NSMAF: variants seen among roughly 807,000 people sequenced by gnomAD.
NSMAF encodes the protein neutral sphingomyelinase activation associated factor.
A neutral mutation model predicts 134.9 loss-of-function variants in NSMAF; 90 were observed. The observed-to-expected ratio is 0.67, with a 90% confidence interval of 0.56 to 0.79. The LOEUF is 0.79. Among genes scored for constraint, NSMAF ranks in the 30% least tolerant of loss-of-function variants. The pLI is 0.00. For synonymous variants in NSMAF, 358 were observed against 389.6 expected (o/e 0.92, Z 0.96); for missense variants, 1,010 against 1,119.0 (o/e 0.90, Z 1.39).
intron 23 of NSMAF, among the ~76,000 whole-genome samples, chr8:58,591,643 C>T (rs569569965): frequency 3.3e-5 from 5 of 151,946 alleles, no homozygotes; most frequent in Admixed American, 6.6e-5. Flanking sequence ...GTGCACACCA[C>T]GGCTGGCTAA....
chr8:58,618,225 G>A (rs1337773058), intron 9 of NSMAF, among the ~76,000 whole-genome samples: 2 of 151,974 alleles, frequency 1.3e-5, no homozygotes, highest in Admixed American at 6.6e-5. Context: ...ATGAGTTGAC[G>A]GGTGCAGCAA....
chr8:58,651,078 C>G (rs577384118), intron 1 of NSMAF, among the ~76,000 whole-genome samples: 130 of 152,182 alleles, frequency 8.5e-4, no homozygotes, highest in African/African-American at 3.0e-3. Context: ...AGCCCACTGC[C>G]TCACCTCCTG....
chr8:58,595,859 C>T, intron 21 of NSMAF, 200 bp from the exon 22 acceptor site: 1 of 494,194 alleles, frequency 2.0e-6, no homozygotes, highest in East Asian at 3.3e-5. Flanking sequence ...TAAAAAGTAT[C>T]TTTGAATAAT....
In NSMAF at chr8:58,641,534, C is replaced by A. The variant is rs184924915; in HGVS notation, c.149+1450G>T. ...ATGACACACAGTATCCTGTCCCTTG[C>A]TTTTTACACTTAATACATGTAGAGA... is the stretch of plus-strand genomic sequence containing the variant. On this transcript the variant is annotated intron_variant, in intron 2 of 30. Transcript: ENST00000038176. Among the ~76,000 whole-genome samples the A allele has an allele frequency of 4.5e-3, 690 of 152,266 alleles. 5 individuals carry two copies. The highest frequency in any genetic ancestry group is 0.011 in the Admixed American group (164 of 15,294).
At chr8:58,648,898 C>T (rs906311934) in intron 1 of NSMAF, among the ~76,000 whole-genome samples, 6 of 152,246 alleles carry the variant, frequency 3.9e-5, no homozygotes, top group Non-Finnish European at 5.9e-5. Context: ...AGAACGTCTA[C>T]GACAGTAGTA....
Position 58,602,060 on chromosome 8 carries a change from G to A in NSMAF, c.1123C>T (p.Leu375=), listed in dbSNP as rs1482342620. 2.5e-6 allele frequency: 4 copies of A among 1,611,798 alleles called. No individual in the cohort carries two copies. The highest frequency in any genetic ancestry group is 1.7e-4 in the Middle Eastern group (1 of 6,058). Residue 375 remains leucine (L), a splice_region_variant and synonymous_variant, in exon 14 of 31, where the codon CTG becomes TTG. Coordinates refer to ENST00000038176, the MANE Select transcript of NSMAF (RefSeq NM_003580.4). The stretch of plus-strand genomic sequence containing the variant: ...CAAGAATCTCTAAGTCCACATACCA[G>A]TAGTCTCTCCAGCCGTTCCTTATTT... The part of the protein sequence containing the change: ...ALNKERLERL[L]TRYQEMPEPK...
intron 1 of NSMAF, 35 bp downstream of exon 1, chr8:58,659,526 GCCCCGACTAGGC>G (rs1333280025): frequency 6.8e-7 from 1 of 1,474,758 alleles, no homozygotes; most frequent in Non-Finnish European, 9.0e-7. Flanking sequence ...CCCACGACCG[GCCCCGACTAGGC>G]CCCCGGCTGG....
chr8:58,607,487 A>G (rs1211071841), intron 11 of NSMAF, among the ~76,000 whole-genome samples: 1 of 152,268 alleles, frequency 6.6e-6, no homozygotes, highest in Non-Finnish European at 1.5e-5. Flanking sequence ...GCCTGAGCCC[A>G]GAAACTGAGA....
intron 22 of NSMAF, chr8:58,594,578 T>C: frequency 2.4e-6 from 1 of 409,128 alleles, no homozygotes; most frequent in Non-Finnish European, 4.4e-6. Context: ...AAAACTCTTC[T>C]CCTTCTATTC....
chr8:58,638,051 GT>G, intron 2 of NSMAF, among the ~76,000 whole-genome samples: 1 of 152,204 alleles, frequency 6.6e-6, no homozygotes, highest in South Asian at 2.1e-4. Context: ...AAAACAATCT[GT>G]TTTGTTTCAT....
chr8:58,640,451 T>C (rs1156919096), intron 2 of NSMAF, among the ~76,000 whole-genome samples: 2 of 152,182 alleles, frequency 1.3e-5, no homozygotes, highest in Non-Finnish European at 2.9e-5. Context: ...GCCATACTTA[T>C]TAAATTGTTT....
intron 6 of NSMAF, among the ~76,000 whole-genome samples, chr8:58,625,439 C>T (rs1806907153): frequency 8.4e-6 from 1 of 118,570 alleles, no homozygotes; most frequent in Non-Finnish European, 1.9e-5. Flanking sequence ...AATGTATGTA[C>T]ACACACATCC....
chr8:58,584,102 G>T lies in NSMAF; in HGVS notation c.*4C>A. 6.2e-7 allele frequency: 1 copy of T among 1,601,802 alleles called. No homozygotes were observed. The highest frequency in any genetic ancestry group is 8.6e-7 in the Non-Finnish European group (1 of 1,168,798). ...AATTTAATATTCAGGAGAGGAAAAGGCACTTAATACTGCAATTTCCAGAAT... is the reference window on the plus strand; with the variant it reads ...AATTTAATATTCAGGAGAGGAAAAGTCACTTAATACTGCAATTTCCAGAAT... On this transcript the variant is annotated 3_prime_UTR_variant, in exon 31 of 31. Coordinates refer to ENST00000038176, the MANE Select transcript of NSMAF (RefSeq NM_003580.4).
At chr8:58,586,162 C>T (rs921087969) in intron 28 of NSMAF, among the ~76,000 whole-genome samples, 162 bp from the exon 29 acceptor site, 2 of 152,148 alleles carry the variant, frequency 1.3e-5, no homozygotes, top group Non-Finnish European at 2.9e-5. Flanking sequence ...ATGGTTCTAG[C>T]CCTTTCCAAG....
chr8:58,591,481 C>CTTTTTTTTT (rs1018380152), intron 23 of NSMAF, among the ~76,000 whole-genome samples: 3 of 94,494 alleles, frequency 3.2e-5, no homozygotes, highest in African/African-American at 1.0e-4. Context: ...AGAAACCTTC[C>CTTTTTTTTT]TTTTTTTTTT....
chr8:58,610,892 CA>C (rs1806514831), intron 9 of NSMAF, among the ~76,000 whole-genome samples: 1 of 152,146 alleles, frequency 6.6e-6, no homozygotes, highest in African/African-American at 2.4e-5. Flanking sequence ...AAGTCTTTAT[CA>C]CTCCCTCAAT....
intron 5 of NSMAF, among the ~76,000 whole-genome samples, chr8:58,633,042 A>G (rs1467024720): frequency 1.3e-5 from 2 of 151,802 alleles, no homozygotes; most frequent in Non-Finnish European, 2.9e-5. Context: ...CCTTGCTTCC[A>G]CTCTTGCCCT....
Position 58,599,308 on chromosome 8 carries a change from A to T in NSMAF, c.1509T>A (p.Ser503=). 1 of 1,614,094 alleles carries T rather than the reference A, an allele frequency of 6.2e-7. No individual in the cohort carries two copies. Among genetic ancestry groups the T allele is most frequent in the Non-Finnish European group, 8.5e-7 (1 of 1,179,938 alleles). Residue 503 remains serine, a synonymous_variant, in exon 19 of 31, where the codon TCT becomes TCA. Transcript: ENST00000038176. ...SKDALESNYV[S]EHLHEWIDLI... ...GATCAATCCACTCGTGAAGGTGTTCAGACACATAATTGCTTTCCAATGCAT... is the reference window on the plus strand; with the variant it reads ...GATCAATCCACTCGTGAAGGTGTTCTGACACATAATTGCTTTCCAATGCAT...
chr8:58,624,712 G>A (rs1806877025), intron 6 of NSMAF, among the ~76,000 whole-genome samples: 1 of 152,184 alleles, frequency 6.6e-6, no homozygotes, highest in Admixed American at 6.5e-5. Context: ...AGAGGAAAGT[G>A]TATTCTGCTG....
Sources: gnomAD v4.1 joint callset for allele counts (sites outside exome capture counted in the v4.1 genomes callset) on GRCh38, gnomAD v4.1.1 for gene constraint, MANE v1.5 for transcripts, NCBI Gene and HGNC (gene_info 2026-07-23, HGNC 2026-07-21) for gene names.